PSD3: variants seen among roughly 807,000 people sequenced by gnomAD.
PSD3 encodes PH and SEC7 domain-containing protein 3.
In PSD3, 49 loss-of-function variants were observed where a neutral mutation model predicts 105.5. The observed-to-expected ratio is 0.46, with a 90% CI of 0.37 to 0.59. The LOEUF (loss-of-function observed/expected upper bound fraction) is 0.59, where lower values mean the gene tolerates loss of function less well. Ranked by LOEUF, PSD3 falls within the 20% of genes least tolerant of loss-of-function variation. PSD3 has a pLI of 0.00. For missense variants in PSD3, 1,561 were observed against 1,263.8 expected (o/e 1.24, Z -3.57); for synonymous variants, 557 against 457.8 (o/e 1.22, Z -2.77).
Position 18,632,630 on chromosome 8 carries a change from T to G in PSD3, c.2393A>C (p.Asp798Ala). ...ATACTTACTCTTCTTTCCATCCATA[T>G]CTGCATGAATTTTCCGAGCCAAGAA... ...SGFLARKIHA[D>A]MDGKKTPRGK... The change falls in exon 11 of 16, where the codon GAT (aspartate) becomes GCT (alanine). Residue 798 changes from aspartate to alanine, a missense_variant. By Grantham distance (126) the Asp-to-Ala change is moderately radical. Coordinates refer to ENST00000327040, the MANE Select transcript of PSD3 (RefSeq NM_015310.4). 1 of 1,611,912 alleles carries G rather than the reference T, an allele frequency of 6.2e-7. No homozygotes were observed. The highest frequency in any genetic ancestry group is 8.5e-7 in the Non-Finnish European group (1 of 1,178,704).
chr8:18,684,521 G>C (rs890686988), intron 9 of PSD3, among the ~76,000 whole-genome samples: 14 of 152,136 alleles, frequency 9.2e-5, no homozygotes, highest in African/African-American at 3.1e-4. Context: ...AACGATGCGA[G>C]ACACAAAGGC....
At chr8:18,851,566 C>A (rs1474422845) in intron 4 of PSD3, among the ~76,000 whole-genome samples, 1 of 152,254 alleles carries the variant, frequency 6.6e-6, no homozygotes, top group African/African-American at 2.4e-5. Context: ...ACATGTCCCA[C>A]AGCAGCATGG....
intron 9 of PSD3, among the ~76,000 whole-genome samples, chr8:18,719,863 A>G (rs1802839395): frequency 6.6e-6 from 1 of 152,222 alleles, no homozygotes; most frequent in African/African-American, 2.4e-5. Flanking sequence ...TGCTTTGTCA[A>G]AGATTTTTTA....
intron 9 of PSD3, among the ~76,000 whole-genome samples, chr8:18,757,486 T>C (rs1158313386): frequency 7.3e-5 from 11 of 150,820 alleles, no homozygotes; most frequent in Admixed American, 6.0e-4. Context: ...AAACAAACAT[T>C]AACTGCGTAG....
At chr8:18,723,003 C>T (rs1365082322) in intron 9 of PSD3, among the ~76,000 whole-genome samples, 1 of 152,186 alleles carries the variant, frequency 6.6e-6, no homozygotes, top group Non-Finnish European at 1.5e-5. Flanking sequence ...GAACATGCAA[C>T]ATAACTCATA....
intron 12 of PSD3, among the ~76,000 whole-genome samples, chr8:18,586,448 C>T (rs193302837): frequency 2.0e-5 from 3 of 152,144 alleles, no homozygotes; most frequent in Non-Finnish European, 4.4e-5. Flanking sequence ...TCATTATACG[C>T]TATTACGTAG....
At chr8:18,928,636 C>G (rs1017513128) in intron 2 of PSD3, among the ~76,000 whole-genome samples, 11 of 152,268 alleles carry the variant, frequency 7.2e-5, no homozygotes, top group Admixed American at 7.2e-4. Context: ...TAGTGGTTGC[C>G]TAGAATGACA....
intron 4 of PSD3, among the ~76,000 whole-genome samples, chr8:18,866,123 A>G (rs972375367): frequency 2.0e-5 from 3 of 152,194 alleles, no homozygotes; most frequent in African/African-American, 7.2e-5. Flanking sequence ...TCACCCTAGA[A>G]AACTGAGTGG....
intron 7 of PSD3, 102 bp downstream of exon 7, chr8:18,801,168 G>T: frequency 1.5e-6 from 1 of 650,568 alleles, no homozygotes; most frequent in Non-Finnish European, 2.7e-6. Context: ...TTATCACTAG[G>T]TAACTGAAGA....
rs200688192 is a variant in PSD3, at chr8:18,632,599, C to T, written c.2410+14G>A. 43 of 1,591,530 alleles carry T rather than the reference C, an allele frequency of 2.7e-5. No individual in the cohort carries two copies. The East Asian group carries it at 4.3e-4, about 16-fold the overall frequency. On this transcript the variant is annotated intron_variant, in intron 11 of 15. Transcript: ENST00000327040. ...AAATAAATGAAATAGAAAATGACAA[C>T]GCATGATACTTACTCTTCTTTCCAT... is the stretch of plus-strand genomic sequence containing the variant.
chr8:18,837,003 T>C (rs1814167522), intron 4 of PSD3, among the ~76,000 whole-genome samples: 1 of 151,966 alleles, frequency 6.6e-6, no homozygotes, highest in Non-Finnish European at 1.5e-5. Context: ...TCAAGTTTTG[T>C]TTCCGGTTTG....
At chr8:18,880,238 A>G (rs1818022570) in intron 2 of PSD3, among the ~76,000 whole-genome samples, 1 of 152,324 alleles carries the variant, frequency 6.6e-6, no homozygotes, top group African/African-American at 2.4e-5. Flanking sequence ...AAGATTTTTT[A>G]AGCTGCTCCC....
chr8:19,009,827 G>A (rs933042754), intron 1 of PSD3, among the ~76,000 whole-genome samples: 1 of 152,090 alleles, frequency 6.6e-6, no homozygotes, highest in African/African-American at 2.4e-5. Flanking sequence ...AGAGGCAGGG[G>A]TTGCAGTGAG....
intron 8 of PSD3, among the ~76,000 whole-genome samples, chr8:18,784,291 C>T (rs1222048017): frequency 6.6e-6 from 1 of 152,172 alleles, no homozygotes; most frequent in Non-Finnish European, 1.5e-5. Context: ...CCCTCCAATT[C>T]TGTCCATTGT....
At chr8:18,759,335 C>T (rs1192741421) in intron 9 of PSD3, among the ~76,000 whole-genome samples, 1 of 152,104 alleles carries the variant, frequency 6.6e-6, no homozygotes, top group Non-Finnish European at 1.5e-5. Context: ...TTTCCAGTGA[C>T]ACTGTCTTCT....
At chr8:18,544,893 A>G (rs556420374) in intron 15 of PSD3, among the ~76,000 whole-genome samples, 1 of 152,108 alleles carries the variant, frequency 6.6e-6, no homozygotes, top group Non-Finnish European at 1.5e-5. Context: ...GAGGAAGGAG[A>G]GCTGAGTGAC....
chr8:19,062,580 T>C (rs1027806), intron 1 of PSD3, among the ~76,000 whole-genome samples: 46,560 of 152,084 alleles, frequency 0.31, 7,644 homozygotes, highest in East Asian at 0.6. Context: ...ACTTAAATCA[T>C]TTAAAAAAGA....
chr8:18,823,239 C>T (rs1013279033), intron 4 of PSD3, among the ~76,000 whole-genome samples: 4 of 151,330 alleles, frequency 2.6e-5, no homozygotes, highest in Non-Finnish European at 5.9e-5. Context: ...CACTTTGGCA[C>T]CATTCTTCAA....
At chr8:18,957,327 C>T (rs1375617654) in intron 1 of PSD3, among the ~76,000 whole-genome samples, 3 of 149,900 alleles carry the variant, frequency 2.0e-5, no homozygotes, top group East Asian at 2.0e-4. Flanking sequence ...GCGGAGATCA[C>T]GTCACTGCAC....
Sources: gnomAD v4.1 joint callset for allele counts (sites outside exome capture counted in the v4.1 genomes callset) on GRCh38, gnomAD v4.1.1 for gene constraint, MANE v1.5 for transcripts, NCBI Gene and HGNC (gene_info 2026-07-23, HGNC 2026-07-21) for gene names.